PADI4: variants seen among roughly 807,000 people sequenced by gnomAD.
PADI4 encodes peptidyl arginine deiminase 4.
Under a neutral mutation model 75.0 loss-of-function variants are expected in PADI4, and 62 were observed. The ratio of observed to expected loss-of-function variants is 0.83; its 90% CI spans 0.67 to 1.02. PADI4 has a LOEUF of 1.02. PADI4 is among the 50% of genes least tolerant of loss of function. The probability of loss-of-function intolerance (pLI) is 0.00; values close to 1 mark genes in which losing one functional copy is unlikely to be tolerated. For missense variants in PADI4, 845 were observed against 850.5 expected (o/e 0.99, Z 0.08); for synonymous variants, 361 against 348.1 (o/e 1.04, Z -0.41).
chr1:17,333,795 C>A (rs991000076), intron 2 of PADI4, 148 bp from the exon 3 acceptor site: 5 of 586,526 alleles, frequency 8.5e-6, no homozygotes, highest in African/African-American at 5.6e-5. Context: ...CCATTCCCAT[C>A]GGATGGGGCC....
At chr1:17,320,854 A>G (rs1164322959) in intron 1 of PADI4, among the ~76,000 whole-genome samples, 6 of 152,122 alleles carry the variant, frequency 3.9e-5, no homozygotes, top group Admixed American at 3.9e-4. Flanking sequence ...TCTCAGCCTT[A>G]TTTTATGCAA....
Position 17,356,158 on chromosome 1 carries a change from A to G in PADI4, c.1455+31A>G. ...GTCTTGGGGGCTGCCTCAGGAAGCCATGCCTCCTTCCTGGGTAGACCCTCT... is the reference window on the plus strand; with the variant it reads ...GTCTTGGGGGCTGCCTCAGGAAGCCGTGCCTCCTTCCTGGGTAGACCCTCT... On this transcript the variant is annotated intron_variant, in intron 12 of 15. Coordinates refer to ENST00000375448, the MANE Select transcript of PADI4 (RefSeq NM_012387.3). This position sits in a 1 kb window ranked among gnomAD's most constrained non-coding sequence, Gnocchi z 4.1. 6.2e-7 allele frequency: 1 copy of G among 1,608,080 alleles called. No homozygotes were observed. The highest frequency in any genetic ancestry group is 8.5e-7 in the Non-Finnish European group (1 of 1,175,274).
chr1:17,337,788 G>A lies in PADI4; in HGVS notation c.409-250G>A, dbSNP rs568312238. On this transcript the variant is annotated intron_variant, in intron 4 of 15. Transcript: ENST00000375448. Reference sequence around the variant, plus strand: ...AAATTAGCCAGGTGTGGTGGCATGCGCCTATAGTACCAGCTACTCAGGAGG... The same window carrying A: ...AAATTAGCCAGGTGTGGTGGCATGCACCTATAGTACCAGCTACTCAGGAGG... 2.7e-4 allele frequency among the ~76,000 whole-genome samples: 41 copies of A among 152,168 alleles called. No homozygotes were observed. In the South Asian group the frequency reaches 8.3e-3, roughly 31 times the overall value.
chr1:17,336,652 G>A (rs1477378502), intron 4 of PADI4, among the ~76,000 whole-genome samples: 9 of 152,200 alleles, frequency 5.9e-5, no homozygotes. Flanking sequence ...GGTGGGGAGA[G>A]GGAGGGTGTG....
At chr1:17,347,873 C>T in intron 9 of PADI4, 68 bp from the exon 10 acceptor site, 1 of 786,202 alleles carries the variant, frequency 1.3e-6, no homozygotes, top group Non-Finnish European at 2.1e-6. Flanking sequence ...TTCATGCCCC[C>T]ATCCTGGCGT....
intron 10 of PADI4, among the ~76,000 whole-genome samples, chr1:17,353,997 T>C (rs2074714888): frequency 6.6e-6 from 1 of 151,428 alleles, no homozygotes; most frequent in Admixed American, 6.6e-5. Flanking sequence ...CCCAGCACTT[T>C]GGGAGGTCGA....
intron 15 of PADI4, among the ~76,000 whole-genome samples, chr1:17,360,886 G>T (rs750732613): frequency 2.0e-5 from 3 of 149,636 alleles, no homozygotes; most frequent in Non-Finnish European, 4.4e-5. Context: ...TGCACTTGTG[G>T]GTGGTCCCAC....
intron 6 of PADI4, 124 bp downstream of exon 6, chr1:17,339,937 C>A: frequency 9.7e-7 from 1 of 1,035,914 alleles, no homozygotes; most frequent in Non-Finnish European, 1.4e-6. Context: ...ACAGCAGACG[C>A]AGCAGTGGGC....
chr1:17,313,524 A>G (rs1356948104), intron 1 of PADI4, among the ~76,000 whole-genome samples: 2 of 145,082 alleles, frequency 1.4e-5, no homozygotes, highest in African/African-American at 2.6e-5. Flanking sequence ...AAAAAAAAGG[A>G]AAGGAAGGAA....
At chr1:17,322,953 T>A (rs1349717339) in intron 1 of PADI4, among the ~76,000 whole-genome samples, 1 of 152,194 alleles carries the variant, frequency 6.6e-6, no homozygotes, top group Non-Finnish European at 1.5e-5. Context: ...ATTTATTGTA[T>A]CATAATTTCT....
At chr1:17,345,838 G>C (rs1466903480) in intron 8 of PADI4, among the ~76,000 whole-genome samples, 190 bp from the exon 9 acceptor site, 1 of 152,140 alleles carries the variant, frequency 6.6e-6, no homozygotes, top group African/African-American at 2.4e-5. Flanking sequence ...GTACCCACTA[G>C]TTCCTGCCTC....
At chr1:17,340,044 ACG>A (rs71014935) in intron 6 of PADI4, among the ~76,000 whole-genome samples, 4,605 of 87,380 alleles carry the variant, frequency 0.053, 94 homozygotes, top group African/African-American at 0.067. Context: ...TCTCTCACAC[ACG>A]CGCGCGCACA....
At chr1:17,351,970 GGGAGGTGATGGGAGGA>G (rs2074641496) in intron 10 of PADI4, among the ~76,000 whole-genome samples, 4 of 54,456 alleles carry the variant, frequency 7.3e-5, no homozygotes, top group South Asian at 5.4e-4. Context: ...GAGGCGGCCA[GGGAGGTGATGGGAGGA>G]GAGGCAGTCA....
intron 1 of PADI4, among the ~76,000 whole-genome samples, chr1:17,309,023 G>T (rs183581464): frequency 1.1e-3 from 169 of 152,194 alleles, no homozygotes; most frequent in Admixed American, 3.6e-3. Flanking sequence ...TCTGTGGCAG[G>T]GTCTGGGTTA....
At chr1:17,351,442 T>A (rs1297321723) in intron 10 of PADI4, among the ~76,000 whole-genome samples, 13 of 145,148 alleles carry the variant, frequency 9.0e-5, no homozygotes, top group Admixed American at 2.7e-4. Flanking sequence ...AAAAAAAAAA[T>A]TAAAAATAAA....
rs150009165 is a variant in PADI4, at chr1:17,332,146, C to A, written c.273+997C>A. 1.1e-3 allele frequency among the ~76,000 whole-genome samples: 168 copies of A among 152,268 alleles called. 1 individual carries two copies. In the East Asian group the frequency reaches 0.027, roughly 25 times the overall value. ...TGCTTCCATGGTCGCACTGCCTCTG[C>A]CCCTTCTCTGTGGAATCCCCCTCTG... On this transcript the variant is annotated intron_variant, in intron 2 of 15. Transcript: ENST00000375448.
At chr1:17,325,762 G>A (rs1254098766) in intron 1 of PADI4, among the ~76,000 whole-genome samples, 1 of 151,076 alleles carries the variant, frequency 6.6e-6, no homozygotes, top group African/African-American at 2.4e-5. Context: ...AGGCTGGAGT[G>A]CAATGGCACA....
In PADI4 at chr1:17,334,551, C is replaced by T. The variant is rs1022089758; in HGVS notation, c.340+542C>T. 6.6e-5 allele frequency: 30 copies of T among 454,566 alleles called. 1 individual carries two copies. The Middle Eastern group carries it at 1.1e-3, about 17-fold the overall frequency. 28.2% of individuals were successfully genotyped at this position (454,566 alleles called of 1,614,324 possible). ...CTTCTGACCTCAGGTGATCTGCCTGCCTCAGGCTCCCAAAGTGCTCGGATT... is the reference window on the plus strand; with the variant it reads ...CTTCTGACCTCAGGTGATCTGCCTGTCTCAGGCTCCCAAAGTGCTCGGATT... On this transcript the variant is annotated intron_variant, in intron 3 of 15. Coordinates refer to ENST00000375448, the MANE Select transcript of PADI4 (RefSeq NM_012387.3).
chr1:17,346,120 T>C lies in PADI4; in HGVS notation c.1028T>C (p.Met343Thr). The change falls in exon 9 of 16, where the codon ATG becomes ACG. Residue 343 changes from methionine (M) to threonine (T), a missense_variant. Coordinates refer to ENST00000375448, the MANE Select transcript of PADI4 (RefSeq NM_012387.3). The surrounding 1 kb of genome is among the most constrained non-coding windows in gnomAD (Gnocchi z 4.3). Reference protein sequence around the residue: ...KLTICPEEENMDDQWMQDEME... With the variant: ...KLTICPEEENTDDQWMQDEME... ...ACCATCTGCCCTGAGGAGGAGAACA[T>C]GGATGACCAGTGGATGCAGGTATGT... 6 of 1,612,330 alleles carry C rather than the reference T, an allele frequency of 3.7e-6. No homozygotes were observed. The highest frequency in any genetic ancestry group is 5.1e-6 in the Non-Finnish European group (6 of 1,178,402).
Sources: allele counts gnomAD v4.1 joint callset (sites outside exome capture counted in the v4.1 genomes callset), GRCh38; gene constraint gnomAD v4.1.1; non-coding constraint Gnocchi (gnomAD v3.1); transcripts MANE v1.5; gene names NCBI Gene and HGNC (gene_info 2026-07-23, HGNC 2026-07-21).